MRPL14: variants seen among roughly 807,000 people sequenced by gnomAD.
The protein encoded by MRPL14 is mitochondrial ribosomal protein L14.
A neutral mutation model predicts 10.9 loss-of-function variants in MRPL14; 8 were observed. The ratio of observed to expected loss-of-function variants is 0.74; its 90% CI spans 0.43 to 1.33. The LOEUF is 1.33. Among genes scored for constraint, MRPL14 ranks in the 40% most tolerant of loss-of-function variants. The pLI, the probability that MRPL14 is intolerant of heterozygous loss-of-function variation, is 0.01. For missense variants in MRPL14, 179 were observed against 194.5 expected (o/e 0.92, Z 0.47); for synonymous variants, 82 against 74.1 (o/e 1.11, Z -0.54).
At chr6:44,116,006 T>C (rs1775812140) in intron 2 of MRPL14, among the ~76,000 whole-genome samples, 1 of 152,246 alleles carries the variant, frequency 6.6e-6, no homozygotes, top group Non-Finnish European at 1.5e-5. Context: ...AGCAACTCTC[T>C]TTCATCTCTG....
chr6:44,117,841 T>C (rs796529595), intron 1 of MRPL14, among the ~76,000 whole-genome samples: 2 of 25,620 alleles, frequency 7.8e-5, no homozygotes, highest in Non-Finnish European at 1.2e-4. Context: ...ATTTTTTGTG[T>C]TTTTTTTTTT....
intron 1 of MRPL14, among the ~76,000 whole-genome samples, chr6:44,122,393 T>C (rs987355526): frequency 3.3e-5 from 5 of 152,166 alleles, no homozygotes; most frequent in Admixed American, 1.3e-4. Context: ...AGAGAGCTCA[T>C]TTTTAGCTAC....
intron 1 of MRPL14, among the ~76,000 whole-genome samples, chr6:44,124,826 A>G (rs918307321): frequency 6.6e-6 from 1 of 152,200 alleles, no homozygotes; most frequent in African/African-American, 2.4e-5. Flanking sequence ...AACCCAGACA[A>G]ACCATGAGCC....
At chr6:44,122,012 G>C (rs540123316) in intron 1 of MRPL14, among the ~76,000 whole-genome samples, 2 of 151,562 alleles carry the variant, frequency 1.3e-5, no homozygotes, top group Non-Finnish European at 2.9e-5. Flanking sequence ...GGGGTTGGTG[G>C]TTTTTCCTGT....
At chr6:44,123,484 G>C (rs1176356890) in intron 1 of MRPL14, among the ~76,000 whole-genome samples, 1 of 152,218 alleles carries the variant, frequency 6.6e-6, no homozygotes, top group Non-Finnish European at 1.5e-5. Context: ...ACTACACTCA[G>C]GACAGCCTCG....
At chr6:44,117,849 T>G (rs576555793) in intron 1 of MRPL14, among the ~76,000 whole-genome samples, 41 of 133,650 alleles carry the variant, frequency 3.1e-4, no homozygotes, top group African/African-American at 1.1e-3. Context: ...TGTTTTTTTT[T>G]TTTTTTTTTT....
chr6:44,114,643 C>G (rs1775664173), intron 2 of MRPL14, among the ~76,000 whole-genome samples: 1 of 152,202 alleles, frequency 6.6e-6, no homozygotes, highest in South Asian at 2.1e-4. Context: ...GAGTCTCGCT[C>G]TGTCGCCCAG....
At position 44,116,621 on chromosome 6, in the gene MRPL14, A is replaced by G; in HGVS notation, c.-10T>C. ...CAGTAAAGAAAGCCATGGGATCCCAAGATAGATCCTGCAGGAAAAACGAGA... is the reference window on the plus strand; with the variant it reads ...CAGTAAAGAAAGCCATGGGATCCCAGGATAGATCCTGCAGGAAAAACGAGA... On this transcript the variant is annotated 5_prime_UTR_variant, in exon 2 of 3. Transcript: ENST00000372014. The G allele has an allele frequency of 6.2e-7, 1 of 1,613,800 alleles. No individual in the cohort carries two copies. Among genetic ancestry groups the G allele is most frequent in the Non-Finnish European group, 8.5e-7 (1 of 1,179,684 alleles).
intron 2 of MRPL14, among the ~76,000 whole-genome samples, chr6:44,115,910 T>C (rs943258421): frequency 6.6e-6 from 1 of 152,266 alleles, no homozygotes; most frequent in African/African-American, 2.4e-5. Flanking sequence ...CAATCCTCTA[T>C]TATAATATTC....
At chr6:44,126,701 A>G (rs999236951) in intron 1 of MRPL14, among the ~76,000 whole-genome samples, 24 of 152,352 alleles carry the variant, frequency 1.6e-4, no homozygotes, top group African/African-American at 5.5e-4. Context: ...CAGGAACCAG[A>G]AATTAAATGA....
chr6:44,115,429 C>T (rs984228835), intron 2 of MRPL14, among the ~76,000 whole-genome samples: 23 of 152,132 alleles, frequency 1.5e-4, no homozygotes, highest in African/African-American at 5.3e-4. Context: ...TCCAGCAGTA[C>T]CAGAAGCCAA....
chr6:44,126,633 G>C (rs1777087894), intron 1 of MRPL14, among the ~76,000 whole-genome samples: 1 of 150,996 alleles, frequency 6.6e-6, no homozygotes, highest in Admixed American at 6.6e-5. Flanking sequence ...CGTCTCTTAC[G>C]GTGGCAAAGT....
intron 1 of MRPL14, among the ~76,000 whole-genome samples, chr6:44,124,654 T>G (rs1341604551): frequency 6.6e-6 from 1 of 152,226 alleles, no homozygotes; most frequent in Non-Finnish European, 1.5e-5. Context: ...CTACTCTGAG[T>G]GGTTTCACTG....
chr6:44,119,481 T>C lies in MRPL14; in HGVS notation c.-18-2852A>G, dbSNP rs191612019. On this transcript the variant is annotated intron_variant, in intron 1 of 2. Coordinates refer to ENST00000372014, the MANE Select transcript of MRPL14 (RefSeq NM_032111.4). Reference sequence around the variant, plus strand: ...AGGCAAAGGTTGCAGTGAGCCAAGGTTGGGCCACTGCACTCCAGCCTGGGC... The same window carrying C: ...AGGCAAAGGTTGCAGTGAGCCAAGGCTGGGCCACTGCACTCCAGCCTGGGC... 4.8e-3 allele frequency among the ~76,000 whole-genome samples: 725 copies of C among 151,966 alleles called. 4 individuals are homozygous for C. Among genetic ancestry groups the C allele is most frequent in the South Asian group, 0.021 (101 of 4,816 alleles).
At chr6:44,126,599 C>A (rs1051213237) in intron 1 of MRPL14, among the ~76,000 whole-genome samples, 2 of 152,206 alleles carry the variant, frequency 1.3e-5, no homozygotes, top group African/African-American at 2.4e-5. Context: ...GCCCTTTTAA[C>A]CTCTTTATAA....
intron 2 of MRPL14, among the ~76,000 whole-genome samples, chr6:44,115,080 G>C (rs1273072767): frequency 6.6e-6 from 1 of 152,008 alleles, no homozygotes. Flanking sequence ...ACTTATTGAA[G>C]GCAGACAAGG....
intron 1 of MRPL14, among the ~76,000 whole-genome samples, chr6:44,117,847 T>TG (rs1776013886): frequency 7.4e-6 from 1 of 135,156 alleles, no homozygotes; most frequent in East Asian, 2.1e-4. Flanking sequence ...TGTGTTTTTT[T>TG]TTTTTTTTTT....
chr6:44,123,795 C>T (rs1299275096), intron 1 of MRPL14, among the ~76,000 whole-genome samples: 2 of 152,044 alleles, frequency 1.3e-5, no homozygotes, highest in African/African-American at 4.8e-5. Flanking sequence ...CACTGGAGCT[C>T]AGGGGTTGGG....
At chr6:44,122,439 C>T (rs1776543215) in intron 1 of MRPL14, among the ~76,000 whole-genome samples, 1 of 152,110 alleles carries the variant, frequency 6.6e-6, no homozygotes. Flanking sequence ...GAACCTGTAC[C>T]TCTGATGCTT....
Sources: gnomAD v4.1 joint callset for allele counts (sites outside exome capture counted in the v4.1 genomes callset) on GRCh38, gnomAD v4.1.1 for gene constraint, MANE v1.5 for transcripts, NCBI Gene and HGNC (gene_info 2026-07-23, HGNC 2026-07-21) for gene names.